The following TRIO variants were observed in gnomAD, a reference collection of about 807,000 sequenced individuals.
TRIO encodes the protein trio Rho guanine nucleotide exchange factor.
Under a neutral mutation model 351.9 loss-of-function variants are expected in TRIO, and 58 were observed. The ratio of observed to expected loss-of-function variants is 0.16; its 90% confidence interval spans 0.13 to 0.21. The LOEUF (loss-of-function observed/expected upper bound fraction) is 0.21. Among genes scored for constraint, TRIO ranks in the 10% least tolerant of loss-of-function variants. TRIO has a pLI of 1.00. For synonymous variants in TRIO, 1,758 were observed against 1,595.7 expected, an observed-to-expected ratio of 1.10 and a Z score of -2.42; for missense variants, 3,201 against 4,027.8, an observed-to-expected ratio of 0.79 and a Z score of 5.56.
At chr5:14,212,503 C>A (rs1279847548) in intron 1 of TRIO, among the ~76,000 whole-genome samples, 1 of 152,192 alleles carries the variant, frequency 6.6e-6, no homozygotes, top group African/African-American at 2.4e-5. Flanking sequence ...TCAGATGTCT[C>A]AGGCATGTAG....
intron 1 of TRIO, among the ~76,000 whole-genome samples, chr5:14,254,258 A>C (rs1015772802): frequency 2.0e-5 from 3 of 146,860 alleles, no homozygotes; most frequent in Non-Finnish European, 4.5e-5. Flanking sequence ...ATATCGGCTC[A>C]CTGCAGCCTC....
chr5:14,406,144 A>C lies in TRIO; in HGVS notation c.4859+154A>C, dbSNP rs1748696190. 8 of 1,129,678 alleles carry C rather than the reference A, an allele frequency of 7.1e-6. No individual in the cohort carries two copies. In the South Asian group the frequency reaches 1.3e-4, roughly 18 times the overall value. 70.0% of individuals were successfully genotyped at this position (1,129,678 alleles called of 1,614,324 possible). On this transcript the variant is annotated intron_variant, in intron 32 of 56. Coordinates refer to ENST00000344204, the MANE Select transcript of TRIO (RefSeq NM_007118.4). ...GTGGATAACATCATTCTTAGTAATG[A>C]AACTGCTTTGTCAGAGATAAGAGCC...
chr5:14,401,399 A>G (rs1748054135), intron 31 of TRIO, among the ~76,000 whole-genome samples: 1 of 152,192 alleles, frequency 6.6e-6, no homozygotes, highest in South Asian at 2.1e-4. Flanking sequence ...GATACTGACC[A>G]AAAACTCTGA....
At chr5:14,203,597 A>G (rs1581343396) in intron 1 of TRIO, among the ~76,000 whole-genome samples, 1 of 152,264 alleles carries the variant, frequency 6.6e-6, no homozygotes, top group East Asian at 1.9e-4. Flanking sequence ...AATAAAAAGT[A>G]ACAAATTCTA....
At chr5:14,205,545 G>A (rs115843501) in intron 1 of TRIO, among the ~76,000 whole-genome samples, 95 of 152,282 alleles carry the variant, frequency 6.2e-4, no homozygotes, top group Non-Finnish European at 1.1e-3. Flanking sequence ...TTATGCAGCT[G>A]TAGTTACAAT....
At position 14,419,973 on chromosome 5, in the gene TRIO, G is replaced by A. The variant is rs746170840; in HGVS notation, c.5155G>A (p.Ala1719Thr). ...GLVPCGSLCI[A>T]HSRSSMEMEG... ...GGTCCCCTGTGGTTCACTGTGCATC[G>A]CCCACTCCAGAAGTAGCATGGAAAT... Residue 1719 changes from alanine (A) to threonine (T), a missense_variant, in exon 34 of 57, where the codon GCC becomes ACC. Ala to Thr is a moderately conservative substitution (Grantham distance 58). This residue lies in a region of TRIO where 193 missense variants were observed against 218.8 expected (regional missense o/e 0.88). Transcript: ENST00000344204. The A allele has an allele frequency of 1.1e-5, 18 of 1,614,062 alleles. No homozygotes were observed. The highest frequency in any genetic ancestry group is 1.3e-5 in the African/African-American group (1 of 74,940).
chr5:14,355,432 G>A (rs572338593), intron 11 of TRIO, among the ~76,000 whole-genome samples: 28 of 152,292 alleles, frequency 1.8e-4, no homozygotes, highest in Non-Finnish European at 3.4e-4. Context: ...TCTGCTCCTC[G>A]TAGTGACGCC....
chr5:14,235,099 G>GA (rs1161333258), intron 1 of TRIO, among the ~76,000 whole-genome samples: 1 of 152,110 alleles, frequency 6.6e-6, no homozygotes, highest in Admixed American at 6.5e-5. Context: ...GGAATTAAGA[G>GA]AAAAAATGCC....
intron 1 of TRIO, among the ~76,000 whole-genome samples, chr5:14,195,651 T>C (rs1790727128): frequency 1.3e-5 from 2 of 152,242 alleles, no homozygotes; most frequent in Non-Finnish European, 2.9e-5. Flanking sequence ...ATTCTTCCGC[T>C]TATTCCACTT....
At chr5:14,225,066 T>A (rs1462104091) in intron 1 of TRIO, among the ~76,000 whole-genome samples, 2 of 152,146 alleles carry the variant, frequency 1.3e-5, no homozygotes, top group African/African-American at 4.8e-5. Context: ...ATGGAGATGG[T>A]GTGCTCCTTG....
intron 8 of TRIO, among the ~76,000 whole-genome samples, chr5:14,310,163 TGTA>T (rs1274478859): frequency 6.6e-6 from 1 of 152,236 alleles, no homozygotes; most frequent in East Asian, 1.9e-4. Context: ...GGAGATAAGT[TGTA>T]GTCATTTTTA....
intron 46 of TRIO, 58 bp from the exon 47 acceptor site, chr5:14,485,011 A>C: frequency 6.8e-7 from 1 of 1,465,680 alleles, no homozygotes; most frequent in East Asian, 2.4e-5. Flanking sequence ...CAGTGGACAC[A>C]TGGTTTGCTT....
In TRIO at chr5:14,404,639, T is replaced by C. The variant is rs543200302; in HGVS notation, c.4717-1209T>C. ...GTTTCTTCTCCCGAGTCCCTTACTTTCCCCCCGCTTTCCCCGGTCACCCTG... is the reference window on the plus strand; with the variant it reads ...GTTTCTTCTCCCGAGTCCCTTACTTCCCCCCCGCTTTCCCCGGTCACCCTG... On this transcript the variant is annotated intron_variant, in intron 31 of 56. Transcript: ENST00000344204. 3.3e-5 allele frequency among the ~76,000 whole-genome samples: 5 copies of C among 152,136 alleles called. No homozygotes were observed. In the South Asian group the frequency reaches 1.0e-3, roughly 32 times the overall value.
intron 1 of TRIO, among the ~76,000 whole-genome samples, chr5:14,169,735 T>A (rs1788989395): frequency 6.6e-6 from 1 of 152,170 alleles, no homozygotes; most frequent in Non-Finnish European, 1.5e-5. Context: ...AAAAAAAGGA[T>A]CACCCACTGA....
intron 41 of TRIO, chr5:14,477,267 A>G: frequency 4.0e-6 from 1 of 252,956 alleles, no homozygotes; most frequent in Non-Finnish European, 7.5e-6. Flanking sequence ...TGTTGAGTGG[A>G]GATGTAACTG....
intron 19 of TRIO, among the ~76,000 whole-genome samples, chr5:14,374,770 T>G (rs1323668959): frequency 6.6e-6 from 1 of 152,160 alleles, no homozygotes; most frequent in Non-Finnish European, 1.5e-5. Flanking sequence ...ACCTAAGGCA[T>G]AGTTAATAAA....
chr5:14,397,209 T>C, intron 29 of TRIO, 55 bp downstream of exon 29: 1 of 1,394,208 alleles, frequency 7.2e-7, no homozygotes, highest in South Asian at 1.3e-5. Flanking sequence ...ATGACACTGT[T>C]TGTAAATGGA....
At chr5:14,279,475 T>C (rs1359582761) in intron 2 of TRIO, among the ~76,000 whole-genome samples, 1 of 152,208 alleles carries the variant, frequency 6.6e-6, no homozygotes, top group Non-Finnish European at 1.5e-5. Flanking sequence ...GAGAGATCAT[T>C]AGAGTTCTAA....
At chr5:14,211,446 T>C (rs1791885638) in intron 1 of TRIO, among the ~76,000 whole-genome samples, 1 of 152,244 alleles carries the variant, frequency 6.6e-6, no homozygotes, top group African/African-American at 2.4e-5. Flanking sequence ...TTGCCCCTGC[T>C]GTGAATTAAC....
Sources: gnomAD v4.1 joint callset for allele counts (sites outside exome capture counted in the v4.1 genomes callset) on GRCh38, gnomAD v4.1.1 for gene constraint, gnomAD v4.1.1 regional missense constraint, MANE v1.5 for transcripts, NCBI Gene and HGNC (gene_info 2026-07-23, HGNC 2026-07-21) for gene names.